The following ENTPD5 variants were observed in gnomAD, a reference collection of about 807,000 sequenced individuals.
The protein encoded by ENTPD5 is ectonucleoside triphosphate diphosphohydrolase 5 (inactive), also known as nucleoside diphosphate phosphatase ENTPD5.
In ENTPD5, 49 loss-of-function variants were observed where a neutral mutation model predicts 60.2. The observed-to-expected ratio is 0.81, with a 90% confidence interval of 0.65 to 1.03. The LOEUF (loss-of-function observed/expected upper bound fraction) is 1.03, where lower values mean the gene tolerates loss of function less well. Ranked by LOEUF, ENTPD5 falls within the 50% of genes least tolerant of loss-of-function variation. The pLI is 0.00. For synonymous variants in ENTPD5, 187 were observed against 185.4 expected, an observed-to-expected ratio of 1.01 and a Z score of -0.07; for missense variants, 480 against 507.6, an observed-to-expected ratio of 0.95 and a Z score of 0.52.
intron 2 of ENTPD5, among the ~76,000 whole-genome samples, chr14:74,014,486 G>T (rs1458851717): frequency 6.6e-6 from 1 of 152,068 alleles, no homozygotes; most frequent in Non-Finnish European, 1.5e-5. Flanking sequence ...AGAAGGTTAA[G>T]GCTGCAGTGA....
chr14:73,986,346 CAA>C (rs2057903508), intron 5 of ENTPD5: 1 of 154,894 alleles, frequency 6.5e-6, no homozygotes, highest in Non-Finnish European at 1.4e-5. Flanking sequence ...CTTCTACCAC[CAA>C]AGATTTTTGT....
At chr14:73,972,748 A>C in intron 13 of ENTPD5, 136 bp downstream of exon 13, 1 of 1,014,996 alleles carries the variant, frequency 9.9e-7, no homozygotes, top group Non-Finnish European at 1.4e-6. Flanking sequence ...AGTCATTTCC[A>C]CCCTTTTGTT....
chr14:74,002,397 A>C (rs2058539684), intron 3 of ENTPD5, among the ~76,000 whole-genome samples: 1 of 152,084 alleles, frequency 6.6e-6, no homozygotes, highest in South Asian at 2.1e-4. Context: ...TGAAAGTCTT[A>C]CAGCAGTCTG....
At chr14:74,011,881 T>C (rs74395411) in intron 2 of ENTPD5, among the ~76,000 whole-genome samples, 13,961 of 152,170 alleles carry the variant, frequency 0.092, 807 homozygotes, top group South Asian at 0.26. Flanking sequence ...TGGTGGCTCA[T>C]GCCTATACTC....
At chr14:74,013,745 C>T (rs1190488404) in intron 2 of ENTPD5, among the ~76,000 whole-genome samples, 1 of 152,096 alleles carries the variant, frequency 6.6e-6, no homozygotes, top group Non-Finnish European at 1.5e-5. Context: ...TGACTGTAAA[C>T]AATTTGAGGG....
chr14:74,000,550 G>A (rs1382771185), intron 3 of ENTPD5, among the ~76,000 whole-genome samples: 1 of 152,094 alleles, frequency 6.6e-6, no homozygotes, highest in African/African-American at 2.4e-5. Flanking sequence ...GGAGGCCGAG[G>A]AGGGTGGATC....
intron 3 of ENTPD5, among the ~76,000 whole-genome samples, chr14:73,995,328 A>G (rs1281341151): frequency 1.3e-5 from 2 of 152,094 alleles, no homozygotes; most frequent in Admixed American, 1.3e-4. Flanking sequence ...GATTATAGGC[A>G]TGAGCCACCT....
At chr14:73,976,923 AG>A (rs2057468189) in intron 8 of ENTPD5, 100 bp downstream of exon 8, 7 of 1,107,678 alleles carry the variant, frequency 6.3e-6, no homozygotes, top group Non-Finnish European at 9.3e-6. Flanking sequence ...CCTTTTTTAA[AG>A]AAGAAGAAAC....
chr14:73,975,021 C>A (rs1219073709), intron 10 of ENTPD5, 36 bp from the exon 11 acceptor site: 2 of 1,522,692 alleles, frequency 1.3e-6, no homozygotes, highest in South Asian at 1.1e-5. Flanking sequence ...TCATGCTGGT[C>A]CTGAAGTTCT....
At chr14:73,987,331 T>A (rs977392411) in intron 4 of ENTPD5, among the ~76,000 whole-genome samples, 1 of 152,200 alleles carries the variant, frequency 6.6e-6, no homozygotes, top group Non-Finnish European at 1.5e-5. Flanking sequence ...CTATTCTTTT[T>A]GAACACATGG....
At chr14:74,005,224 C>A (rs2058634490) in intron 3 of ENTPD5, among the ~76,000 whole-genome samples, 3 of 141,612 alleles carry the variant, frequency 2.1e-5, no homozygotes, top group Non-Finnish European at 4.5e-5. Context: ...TGAGATCGCA[C>A]CATTGCACTC....
At chr14:73,996,557 T>C (rs1566753170) in intron 3 of ENTPD5, 1 of 150,664 alleles carries the variant, frequency 6.6e-6, no homozygotes, top group African/African-American at 2.4e-5. Context: ...GTCTAGTTAA[T>C]AAGCATGTAC....
rs1332768667 is a variant in ENTPD5 at position 73,976,596 on chromosome 14, T to G, written c.554-184A>C. The stretch of plus-strand genomic sequence containing the variant: ...GCAGCAGAGGCCTTCAAGGCAGGTG[T>G]TTTTTTTTTTTTTGGAAGGCCTTTT... On this transcript the variant is annotated intron_variant, in intron 8 of 15. Coordinates refer to ENST00000334696, the MANE Select transcript of ENTPD5 (RefSeq NM_001249.5). 3.6e-5 allele frequency among the ~76,000 whole-genome samples: 5 copies of G among 139,298 alleles called. No individual in the cohort carries two copies. In the East Asian group the frequency reaches 6.1e-4, roughly 17 times the overall value. The allele number at this position is 139,298 out of a possible 152,430, so 91.4% of individuals were successfully genotyped here.
In ENTPD5 at chr14:73,977,386, G is replaced by GAA; in HGVS notation, c.442-13_442-12insTT. On this transcript the variant is annotated splice_polypyrimidine_tract_variant and intron_variant, in intron 6 of 15. Transcript: ENST00000334696. ...AAGATCTCCTTTACCTAGAGAAAAA[G>GAA]GAAAAAAAAAAAAAAAGAATTCCCT... 3 of 1,245,104 alleles carry GAA rather than the reference G, an allele frequency of 2.4e-6. No homozygotes were observed. The highest frequency in any genetic ancestry group is 1.7e-5 in the African/African-American group (1 of 59,470). 77.1% of individuals were successfully genotyped at this position (1,245,104 alleles called of 1,614,324 possible).
chr14:73,955,794 T>C, downstream of ENTPD5: 1 of 1,614,222 alleles, frequency 6.2e-7, no homozygotes, highest in South Asian at 1.1e-5. Context: ...ACTTTCCTTT[T>C]GTGTTTCCAG....
Position 73,973,988 on chromosome 14 carries a change from T to A in ENTPD5, c.785-10A>T. On this transcript the variant is annotated splice_polypyrimidine_tract_variant and intron_variant, in intron 11 of 15. Transcript: ENST00000334696. ...GTGTGCCCATCAGTCCCTGAAAGAATCCAGGGCACAAGGTAAGAGGTAAGT... is the reference window on the plus strand; with the variant it reads ...GTGTGCCCATCAGTCCCTGAAAGAAACCAGGGCACAAGGTAAGAGGTAAGT... 2 of 1,612,458 alleles carry A rather than the reference T, an allele frequency of 1.2e-6. No individual in the cohort carries two copies. Among genetic ancestry groups the A allele is most frequent in the Non-Finnish European group, 8.5e-7 (1 of 1,178,644 alleles).
chr14:74,015,186 C>T (rs191419084), intron 2 of ENTPD5, among the ~76,000 whole-genome samples: 10 of 152,080 alleles, frequency 6.6e-5, no homozygotes, highest in African/African-American at 9.6e-5. Context: ...AAGTTGTTCA[C>T]TTAGACTGAT....
intron 5 of ENTPD5, among the ~76,000 whole-genome samples, chr14:73,983,780 T>C (rs904664948): frequency 3.3e-5 from 5 of 151,518 alleles, no homozygotes; most frequent in Non-Finnish European, 7.4e-5. Context: ...AACCTCCACC[T>C]CCCAGGTTCA....
chr14:74,014,771 TA>T (rs1188765226), intron 2 of ENTPD5, among the ~76,000 whole-genome samples: 1 of 151,900 alleles, frequency 6.6e-6, no homozygotes, highest in African/African-American at 2.4e-5. Context: ...GCACATGCAA[TA>T]AAAAAGCAGG....
Sources: allele counts gnomAD v4.1 joint callset (sites outside exome capture counted in the v4.1 genomes callset), GRCh38; gene constraint gnomAD v4.1.1; transcripts MANE v1.5; gene names NCBI Gene and HGNC (gene_info 2026-07-23, HGNC 2026-07-21).